The following ARHGEF12 variants were observed in gnomAD, a reference collection of about 807,000 sequenced individuals.
ARHGEF12 encodes KMT2A/ARHGEF12 fusion protein.
In ARHGEF12, 66 loss-of-function variants were observed where a neutral mutation model predicts 211.2. That is an observed-to-expected ratio of 0.31 (90% CI 0.26 to 0.38). The LOEUF (loss-of-function observed/expected upper bound fraction) is 0.38. ARHGEF12 is among the 10% of genes least tolerant of loss of function. The probability of loss-of-function intolerance (pLI) is 1.00; values close to 1 mark genes in which losing one functional copy is unlikely to be tolerated. For missense variants in ARHGEF12, 1,429 were observed against 1,869.5 expected (o/e 0.76, Z 4.34); for synonymous variants, 592 against 638.4 (o/e 0.93, Z 1.09).
intron 21 of ARHGEF12, chr11:120,449,875 C>T (rs1474363371): frequency 3.3e-5 from 5 of 151,644 alleles, no homozygotes; most frequent in Non-Finnish European, 7.4e-5. Flanking sequence ...CCACACTGAA[C>T]GTCTCTTTAT....
At chr11:120,389,217 GTGGCT>G (rs1332311731) in intron 1 of ARHGEF12, among the ~76,000 whole-genome samples, 3 of 152,162 alleles carry the variant, frequency 2.0e-5, no homozygotes, top group South Asian at 2.1e-4. Flanking sequence ...CTCCCAGCCT[GTGGCT>G]TGTATTTTCA....
At chr11:120,417,505 A>ATTTT (rs34950022) in intron 4 of ARHGEF12, among the ~76,000 whole-genome samples, 6 of 130,976 alleles carry the variant, frequency 4.6e-5, no homozygotes, top group Admixed American at 1.6e-4. Flanking sequence ...TAGTCTAATA[A>ATTTT]TTTTTTTTTT....
intron 1 of ARHGEF12, among the ~76,000 whole-genome samples, chr11:120,381,261 T>A (rs1943870423): frequency 6.6e-6 from 1 of 152,220 alleles, no homozygotes; most frequent in South Asian, 2.1e-4. Flanking sequence ...AAGTTAAACA[T>A]GAGTTGATAT....
At chr11:120,366,438 G>A (rs938725961) in intron 1 of ARHGEF12, among the ~76,000 whole-genome samples, 3 of 152,120 alleles carry the variant, frequency 2.0e-5, no homozygotes, top group South Asian at 2.1e-4. Context: ...GGTTACAGGC[G>A]TGAGCCACCA....
intron 1 of ARHGEF12, among the ~76,000 whole-genome samples, chr11:120,356,206 C>T (rs1232181549): frequency 6.6e-6 from 1 of 152,124 alleles, no homozygotes; most frequent in African/African-American, 2.4e-5. Flanking sequence ...TTCTCCTTCA[C>T]TCCATGTCTT....
chr11:120,367,825 G>A (rs7131046), intron 1 of ARHGEF12, among the ~76,000 whole-genome samples: 70,426 of 151,830 alleles, frequency 0.46, 17,305 homozygotes, highest in African/African-American at 0.63. Flanking sequence ...TTTCAAAATT[G>A]GCTGAGAGTG....
chr11:120,465,921 G>A (rs148460225), intron 28 of ARHGEF12, among the ~76,000 whole-genome samples: 30 of 152,274 alleles, frequency 2.0e-4, no homozygotes, highest in Admixed American at 3.3e-4. Flanking sequence ...GTAAACAACC[G>A]TATGCTCTAT....
chr11:120,406,775 G>T (rs1431009666), intron 2 of ARHGEF12, among the ~76,000 whole-genome samples: 1 of 152,102 alleles, frequency 6.6e-6, no homozygotes, highest in Non-Finnish European at 1.5e-5. Flanking sequence ...AGCCAGGATG[G>T]TCTGGATCTC....
chr11:120,458,228 A>C lies in ARHGEF12; in HGVS notation c.2374A>C (p.Ile792Leu), dbSNP rs774331102. ...KPCEIKRQEV[I>L]NELFYTERAH... Reference sequence around the variant, plus strand: ...TTGTGAAATCAAAAGACAGGAAGTGATTAATGGTGAGTGTAATCAATTTGT... The same window carrying C: ...TTGTGAAATCAAAAGACAGGAAGTGCTTAATGGTGAGTGTAATCAATTTGT... The change falls in exon 25 of 41, where the codon ATT becomes CTT. Residue 792 changes from isoleucine (I) to leucine (L), a missense_variant. By Grantham distance (5) the Ile-to-Leu change is conservative. Around this residue, in one of 7 missense-constraint regions of ARHGEF12, gnomAD observed 223 missense variants for 444.6 expected, o/e 0.50. Transcript: ENST00000397843. The C allele has an allele frequency of 1.2e-6, 2 of 1,613,600 alleles. No homozygotes were observed. Among genetic ancestry groups the C allele is most frequent in the South Asian group, 2.2e-5 (2 of 90,960 alleles).
intron 15 of ARHGEF12, among the ~76,000 whole-genome samples, chr11:120,443,250 G>T (rs2135794354): frequency 6.6e-6 from 1 of 152,034 alleles, no homozygotes; most frequent in South Asian, 2.1e-4. Context: ...GAACTCCTAG[G>T]CTCAAGCAAT....
In ARHGEF12 at chr11:120,481,500, C is replaced by G. The variant is rs1947235467; in HGVS notation, c.4478C>G (p.Pro1493Arg). The G allele has an allele frequency of 6.8e-6, 11 of 1,614,126 alleles. No individual in the cohort carries two copies. Among genetic ancestry groups the G allele is most frequent in the Non-Finnish European group, 9.3e-6 (11 of 1,180,040 alleles). The change falls in exon 39 of 41, where the codon CCC (proline) becomes CGC (arginine). Residue 1493 changes from proline to arginine, a missense_variant. Physicochemically the swap from Pro to Arg is moderately radical, Grantham distance 103 (BLOSUM62 -2). This residue lies in a region of ARHGEF12 where 467 missense variants were observed against 468.4 expected (regional missense o/e 1.00). Coordinates refer to ENST00000397843, the MANE Select transcript of ARHGEF12 (RefSeq NM_015313.3). ...TATTCCTGTTTTGAGATCCAGAGTCCCTCCTCTTGTGCAGATTCACAGAGC... is the reference window on the plus strand; with the variant it reads ...TATTCCTGTTTTGAGATCCAGAGTCGCTCCTCTTGTGCAGATTCACAGAGC... ...MEYSCFEIQS[P>R]SSCADSQSQI...
intron 22 of ARHGEF12, among the ~76,000 whole-genome samples, chr11:120,454,603 C>T (rs367773849): frequency 1.3e-5 from 2 of 151,990 alleles, no homozygotes; most frequent in East Asian, 1.9e-4. Flanking sequence ...AGCTTAGCTG[C>T]GTGGGTCTCG....
intron 4 of ARHGEF12, among the ~76,000 whole-genome samples, chr11:120,414,377 C>T (rs1403923690): frequency 6.6e-6 from 1 of 152,286 alleles, no homozygotes; most frequent in South Asian, 2.1e-4. Context: ...CTCTACTTTG[C>T]ATAGTCTTCA....
chr11:120,451,468 C>T (rs1464686863), intron 21 of ARHGEF12, 44 bp from the exon 22 acceptor site: 2 of 1,593,428 alleles, frequency 1.3e-6, no homozygotes, highest in South Asian at 2.2e-5. Context: ...TGAGCCACCG[C>T]ACCCAGCCGC....
intron 34 of ARHGEF12, 107 bp from the exon 35 acceptor site, chr11:120,477,111 GT>G: frequency 1.4e-6 from 1 of 717,126 alleles, no homozygotes; most frequent in Admixed American, 2.4e-5. Context: ...TGTTGTTGTT[GT>G]TGTTGTTGGT....
At chr11:120,416,124 T>C (rs1321988558) in intron 4 of ARHGEF12, among the ~76,000 whole-genome samples, 1 of 152,240 alleles carries the variant, frequency 6.6e-6, no homozygotes, top group East Asian at 1.9e-4. Context: ...TTCTTGATTC[T>C]TATTAATCTG....
intron 1 of ARHGEF12, among the ~76,000 whole-genome samples, chr11:120,387,265 G>A (rs1944065795): frequency 6.6e-6 from 1 of 151,772 alleles, no homozygotes; most frequent in South Asian, 2.1e-4. Context: ...GGGTGATAGA[G>A]TGCATATCAT....
intron 4 of ARHGEF12, among the ~76,000 whole-genome samples, chr11:120,412,900 T>C (rs1944929382): frequency 6.6e-6 from 1 of 152,210 alleles, no homozygotes; most frequent in Non-Finnish European, 1.5e-5. Context: ...GATTCTACCA[T>C]CACAATATTT....
chr11:120,465,750 AC>A (rs1188320864), intron 28 of ARHGEF12, among the ~76,000 whole-genome samples: 2 of 152,250 alleles, frequency 1.3e-5, no homozygotes, highest in East Asian at 3.8e-4. Flanking sequence ...GGTGTGAGCC[AC>A]TGCACCTGGC....
Sources: gnomAD v4.1 joint callset for allele counts (sites outside exome capture counted in the v4.1 genomes callset) on GRCh38, gnomAD v4.1.1 for gene constraint, gnomAD v4.1.1 regional missense constraint, MANE v1.5 for transcripts, NCBI Gene and HGNC (gene_info 2026-07-23, HGNC 2026-07-21) for gene names.